Variants in RBFOX1 observed in about 807,000 individuals in gnomAD.
The protein encoded by RBFOX1 is RNA binding fox-1 homolog 1.
In RBFOX1, 8 loss-of-function variants were observed where a neutral mutation model predicts 57.7. The ratio of observed to expected loss-of-function variants is 0.14; its 90% CI spans 0.08 to 0.25. The LOEUF (loss-of-function observed/expected upper bound fraction) is 0.25. Among genes scored for constraint, RBFOX1 ranks in the 10% least tolerant of loss-of-function variants. The pLI, the probability that RBFOX1 is intolerant of heterozygous loss-of-function variation, is 1.00. For synonymous variants in RBFOX1, 326 were observed against 222.4 expected (o/e 1.47, Z -4.15); for missense variants, 611 against 548.5 (o/e 1.11, Z -1.14).
At chr16:7,649,371 C>A (rs80062735) in intron 11 of RBFOX1, among the ~76,000 whole-genome samples, 1 of 151,952 alleles carries the variant, frequency 6.6e-6, no homozygotes, top group African/African-American at 2.4e-5. Flanking sequence ...TATCAGGACA[C>A]TCCTAAAGTC....
intron 2 of RBFOX1, among the ~76,000 whole-genome samples, chr16:5,510,483 T>C (rs1042305007): frequency 1.5e-5 from 2 of 130,564 alleles, no homozygotes. Context: ...GAAACCAGCA[T>C]GTCATCACTC....
At chr16:5,647,394 T>C (rs12934235) in intron 3 of RBFOX1, among the ~76,000 whole-genome samples, 88,452 of 152,090 alleles carry the variant, frequency 0.58, 29,067 homozygotes, top group Non-Finnish European at 0.75. Context: ...GCCTGCAATT[T>C]ATTGCCACTG....
intron 1 of RBFOX1, among the ~76,000 whole-genome samples, chr16:6,222,904 T>C (rs1224957663): frequency 6.6e-6 from 1 of 151,834 alleles, no homozygotes; most frequent in African/African-American, 2.4e-5. Context: ...TCTGTGTCCA[T>C]GTGTTCTCAT....
At chr16:6,798,373 C>A (rs543800346) in intron 3 of RBFOX1, among the ~76,000 whole-genome samples, 1 of 152,190 alleles carries the variant, frequency 6.6e-6, no homozygotes, top group East Asian at 1.9e-4. Context: ...AACGTGAAAG[C>A]CATTCTGAGA....
chr16:5,852,522 C>G (rs963231481), intron 3 of RBFOX1, among the ~76,000 whole-genome samples: 1 of 152,140 alleles, frequency 6.6e-6, no homozygotes, highest in Non-Finnish European at 1.5e-5. Context: ...CAGGCTGGCT[C>G]CGGATGGAGG....
At chr16:7,190,614 G>C (rs948893706) in intron 4 of RBFOX1, among the ~76,000 whole-genome samples, 7 of 151,984 alleles carry the variant, frequency 4.6e-5, no homozygotes, top group Non-Finnish European at 1.0e-4. Context: ...AGGTATAGAG[G>C]GTTGGTAGAG....
intron 1 of RBFOX1, among the ~76,000 whole-genome samples, chr16:5,446,804 G>C (rs2151553590): frequency 6.6e-6 from 1 of 152,216 alleles, no homozygotes; most frequent in East Asian, 1.9e-4. Context: ...TCACAGCTGG[G>C]CTCCACGTGG....
chr16:7,065,259 A>C lies in RBFOX1; in HGVS notation c.27+13161A>C, dbSNP rs962287739. Among the ~76,000 whole-genome samples the C allele has an allele frequency of 6.6e-5, 10 of 152,154 alleles. No individual in the cohort carries two copies. The South Asian group carries it at 1.2e-3, about 19-fold the overall frequency. ...GCTTCTATCTAGCTTTCTTGTAGCG[A>C]AGGTAGAAGGTGCCCGTGTGGTCCT... On this transcript the variant is annotated intron_variant, in intron 4 of 15. Coordinates refer to ENST00000550418, the MANE Select transcript of RBFOX1 (RefSeq NM_018723.4).
chr16:6,737,394 G>T (rs1451613036), intron 3 of RBFOX1, among the ~76,000 whole-genome samples: 1 of 152,082 alleles, frequency 6.6e-6, no homozygotes, highest in African/African-American at 2.4e-5. Context: ...AAGAAATATT[G>T]GGCCTTCATG....
intron 14 of RBFOX1, among the ~76,000 whole-genome samples, chr16:7,700,941 G>A (rs1039429818): frequency 6.6e-6 from 1 of 152,152 alleles, no homozygotes; most frequent in African/African-American, 2.4e-5. Context: ...TGTTGGATTT[G>A]TGTACGTATT....
At chr16:5,999,463 A>G (rs1353980935) in intron 4 of RBFOX1, among the ~76,000 whole-genome samples, 1 of 152,168 alleles carries the variant, frequency 6.6e-6, no homozygotes, top group Non-Finnish European at 1.5e-5. Flanking sequence ...TTTTAACCTC[A>G]AATTTCCTTA....
intron 3 of RBFOX1, among the ~76,000 whole-genome samples, chr16:6,692,182 A>G (rs1299066858): frequency 6.6e-6 from 1 of 152,240 alleles, no homozygotes; most frequent in Non-Finnish European, 1.5e-5. Context: ...CAAGGTAACT[A>G]TAAAGATTAC....
rs78812468 is a variant in RBFOX1 at position 5,963,666 on chromosome 16, T to A, written c.351+96331T>A. Among the ~76,000 whole-genome samples, 22 of 152,298 alleles carry A rather than the reference T, an allele frequency of 1.4e-4. No individual in the cohort carries two copies. The East Asian group carries it at 4.1e-3, about 28-fold the overall frequency. ...AGAACCTGCAATGGGGAAAGGATGG[T>A]CTCTTCGAGAAATGTTAATGGGACA... On this transcript the variant is annotated intron_variant, in intron 4 of 19. Coordinates refer to the RBFOX1 transcript ENST00000641259.
chr16:5,549,931 T>C (rs909975280), intron 2 of RBFOX1, among the ~76,000 whole-genome samples: 3 of 152,130 alleles, frequency 2.0e-5, no homozygotes, highest in Admixed American at 2.0e-4. Context: ...AGGTTGCTGG[T>C]AGATGTTTGC....
At chr16:7,576,899 C>G (rs1038614548) in intron 5 of RBFOX1, among the ~76,000 whole-genome samples, 1 of 152,146 alleles carries the variant, frequency 6.6e-6, no homozygotes, top group Non-Finnish European at 1.5e-5. Context: ...GTTTCAGCTA[C>G]AGCATCTGTA....
At chr16:6,668,003 A>G (rs1191310810) in intron 3 of RBFOX1, among the ~76,000 whole-genome samples, 1 of 152,178 alleles carries the variant, frequency 6.6e-6, no homozygotes, top group Admixed American at 6.5e-5. Flanking sequence ...TCCTAGTGAG[A>G]TCAGAGAGTA....
intron 1 of RBFOX1, among the ~76,000 whole-genome samples, chr16:6,229,508 A>G (rs1202307337): frequency 6.6e-6 from 1 of 152,230 alleles, no homozygotes; most frequent in Admixed American, 6.5e-5. Context: ...TGACGCAAAC[A>G]CAATAAAGGA....
At chr16:6,530,734 C>G (rs557228153) in intron 2 of RBFOX1, among the ~76,000 whole-genome samples, 2 of 121,498 alleles carry the variant, frequency 1.6e-5, no homozygotes, top group African/African-American at 5.3e-5. Context: ...CAGGGGAACT[C>G]CCTTTTATAA....
intron 2 of RBFOX1, among the ~76,000 whole-genome samples, chr16:6,537,757 G>A (rs1373437021): frequency 6.6e-6 from 1 of 152,098 alleles, no homozygotes. Context: ...AGATAATGTG[G>A]TTCCAACTGA....
Sources: allele counts gnomAD v4.1 joint callset (sites outside exome capture counted in the v4.1 genomes callset), GRCh38; gene constraint gnomAD v4.1.1; transcripts MANE v1.5; gene names NCBI Gene and HGNC (gene_info 2026-07-23, HGNC 2026-07-21).